Variants in GRID2 observed in about 807,000 individuals in gnomAD.
The protein encoded by GRID2 is glutamate ionotropic receptor delta type subunit 2.
A neutral mutation model predicts 114.8 loss-of-function variants in GRID2; 33 were observed. The observed-to-expected ratio is 0.29, with a 90% CI of 0.22 to 0.38. GRID2 has a LOEUF of 0.38. Ranked by LOEUF, GRID2 falls within the 10% of genes least tolerant of loss-of-function variation. The probability of loss-of-function intolerance (pLI) is 1.00; values close to 1 mark genes in which losing one functional copy is unlikely to be tolerated. For synonymous variants in GRID2, 505 were observed against 449.9 expected (o/e 1.12, Z -1.55); for missense variants, 1,184 against 1,257.7 (o/e 0.94, Z 0.89).
intron 1 of GRID2, among the ~76,000 whole-genome samples, chr4:92,430,787 G>A (rs1388207676): frequency 2.6e-5 from 4 of 151,958 alleles, no homozygotes; most frequent in Admixed American, 2.6e-4. Flanking sequence ...TTGCATCAAT[G>A]TTTTACAGTT....
chr4:93,085,338 C>T, intron 3 of GRID2, 59 bp downstream of exon 3: 1 of 1,296,090 alleles, frequency 7.7e-7, no homozygotes, highest in Non-Finnish European at 1.1e-6. Flanking sequence ...GAAGCAAATT[C>T]ATTAAATCTT....
chr4:93,582,123 A>G (rs986449660), intron 13 of GRID2, among the ~76,000 whole-genome samples: 34 of 152,178 alleles, frequency 2.2e-4, no homozygotes, highest in Non-Finnish European at 4.0e-4. Flanking sequence ...ACTGGCTAAA[A>G]TTAAGGTGTC....
intron 4 of GRID2, among the ~76,000 whole-genome samples, chr4:93,129,657 T>G (rs1734614936): frequency 6.6e-6 from 1 of 152,178 alleles, no homozygotes; most frequent in African/African-American, 2.4e-5. Flanking sequence ...TCACCATCAT[T>G]GCACCCTTTG....
intron 2 of GRID2, among the ~76,000 whole-genome samples, chr4:92,917,689 C>G (rs979703645): frequency 6.6e-6 from 1 of 152,062 alleles, no homozygotes; most frequent in Non-Finnish European, 1.5e-5. Flanking sequence ...TGAGGACTCT[C>G]TTCTGTACCA....
chr4:93,417,267 C>T (rs1767812037), intron 9 of GRID2, among the ~76,000 whole-genome samples: 1 of 152,068 alleles, frequency 6.6e-6, no homozygotes, highest in Non-Finnish European at 1.5e-5. Context: ...ATAATCCATT[C>T]TACACTCTAC....
chr4:92,584,141 T>C (rs762080712), intron 1 of GRID2, among the ~76,000 whole-genome samples: 5 of 151,878 alleles, frequency 3.3e-5, no homozygotes, highest in Non-Finnish European at 7.4e-5. Context: ...ATGCTTAACA[T>C]TTTTTCTCCT....
chr4:92,853,819 AACAG>A (rs1743992981), intron 2 of GRID2, among the ~76,000 whole-genome samples: 1 of 151,868 alleles, frequency 6.6e-6, no homozygotes, highest in Admixed American at 6.6e-5. Context: ...ACATGACAAC[AACAG>A]ACAATGTGGA....
At chr4:92,733,555 T>C (rs1269314352) in intron 2 of GRID2, among the ~76,000 whole-genome samples, 3 of 152,088 alleles carry the variant, frequency 2.0e-5, no homozygotes, top group Non-Finnish European at 4.4e-5. Flanking sequence ...TGTTTTCCTC[T>C]GGTTTGCATG....
At chr4:93,515,187 T>C in intron 12 of GRID2, 29 bp from the exon 13 acceptor site, 1 of 1,159,098 alleles carries the variant, frequency 8.6e-7, no homozygotes, top group Non-Finnish European at 1.2e-6. Flanking sequence ...ATGTGTCTCT[T>C]GTGTCTCTCT....
chr4:92,730,927 T>C (rs1736301042), intron 2 of GRID2, among the ~76,000 whole-genome samples: 2 of 152,094 alleles, frequency 1.3e-5, no homozygotes, highest in African/African-American at 4.8e-5. Flanking sequence ...TAATATATTA[T>C]ACAAAAATAG....
intron 2 of GRID2, among the ~76,000 whole-genome samples, chr4:93,084,037 T>G (rs2149320964): frequency 6.6e-6 from 1 of 152,262 alleles, no homozygotes; most frequent in African/African-American, 2.4e-5. Flanking sequence ...AAGAATGTTA[T>G]ACCTAGAATG....
chr4:92,635,755 A>T (rs1276089332), intron 2 of GRID2, among the ~76,000 whole-genome samples: 1 of 152,096 alleles, frequency 6.6e-6, no homozygotes, highest in Non-Finnish European at 1.5e-5. Context: ...ATTGAAAATG[A>T]TCTTCAGTAT....
chr4:93,676,408 C>G (rs1724860270), intron 14 of GRID2, among the ~76,000 whole-genome samples: 1 of 152,020 alleles, frequency 6.6e-6, no homozygotes, highest in South Asian at 2.1e-4. Context: ...AGTAGCATAG[C>G]TTAGATAATT....
intron 10 of GRID2, among the ~76,000 whole-genome samples, chr4:93,447,030 A>G (rs1008490884): frequency 1.4e-4 from 22 of 152,060 alleles, no homozygotes; most frequent in Middle Eastern, 3.4e-3. Context: ...TTAAAACACA[A>G]TAAAATTAAG....
intron 2 of GRID2, among the ~76,000 whole-genome samples, chr4:93,039,559 G>C (rs1725290619): frequency 6.6e-6 from 1 of 151,984 alleles, no homozygotes; most frequent in South Asian, 2.1e-4. Context: ...GGCTTTACTA[G>C]TGTATCTGAA....
intron 2 of GRID2, among the ~76,000 whole-genome samples, chr4:92,971,387 C>T (rs886139803): frequency 6.6e-6 from 1 of 151,882 alleles, no homozygotes; most frequent in Non-Finnish European, 1.5e-5. Context: ...GTGCAGTTGT[C>T]AGTTAAAATT....
At chr4:93,549,642 T>C (rs916271478) in intron 13 of GRID2, among the ~76,000 whole-genome samples, 2 of 152,188 alleles carry the variant, frequency 1.3e-5, no homozygotes, top group African/African-American at 4.8e-5. Context: ...AGGATAAACA[T>C]ATCCATAAAA....
chr4:93,082,825 G>C (rs1254953078), intron 2 of GRID2, among the ~76,000 whole-genome samples: 1 of 150,096 alleles, frequency 6.7e-6, no homozygotes, highest in African/African-American at 2.4e-5. Flanking sequence ...TATCTGCTTA[G>C]TTCGTGTTTA....
At chr4:93,583,080 A>G (rs1487831803) in intron 13 of GRID2, among the ~76,000 whole-genome samples, 1 of 152,138 alleles carries the variant, frequency 6.6e-6, no homozygotes, top group Non-Finnish European at 1.5e-5. Flanking sequence ...CTCTGCCTCC[A>G]TCTTTACATC....
Sources: allele counts gnomAD v4.1 joint callset (sites outside exome capture counted in the v4.1 genomes callset), GRCh38; gene constraint gnomAD v4.1.1; transcripts MANE v1.5; gene names NCBI Gene and HGNC (gene_info 2026-07-23, HGNC 2026-07-21).